Variants in SKIC3 observed in about 807,000 individuals in gnomAD.
SKIC3 encodes the protein superkiller complex protein 3.
the SKIC3 span, among the ~76,000 whole-genome samples, chr5:95,492,652 G>GAAAAAAAAAAAAAAAAAAA: frequency 6.3e-4 from 31 of 48,834 alleles, 9 homozygotes; most frequent in South Asian, 8.4e-4. Context: ...AAAAAAAAAA[G>GAAAAAAAAAAAAAAAAAAA]AAAAAAAAAA....
the SKIC3 span, among the ~76,000 whole-genome samples, chr5:95,508,981 TTTTTG>T: frequency 6.6e-6 from 1 of 152,160 alleles, no homozygotes; most frequent in Non-Finnish European, 1.5e-5. Context: ...TCTGAGAAGA[TTTTTG>T]TTTTGTTTCA....
At chr5:95,483,555 C>T in the SKIC3 span, among the ~76,000 whole-genome samples, 210 of 152,266 alleles carry the variant, frequency 1.4e-3, no homozygotes, top group African/African-American at 5.0e-3. Flanking sequence ...TATCACTCTG[C>T]TTTTCATAGA....
the SKIC3 span, chr5:95,523,788 C>T: frequency 6.2e-7 from 1 of 1,613,480 alleles, no homozygotes; most frequent in Non-Finnish European, 8.5e-7. Context: ...ATAATAATGA[C>T]CTAAATAGCA....
At chr5:95,522,053 C>T in the SKIC3 span, 1 of 1,613,314 alleles carries the variant, frequency 6.2e-7, no homozygotes, top group South Asian at 1.1e-5. Context: ...AAATAAATTA[C>T]CTTTTAAAGC....
At chr5:95,508,527 A>G in the SKIC3 span, among the ~76,000 whole-genome samples, 3 of 152,294 alleles carry the variant, frequency 2.0e-5, no homozygotes, top group East Asian at 5.8e-4. Flanking sequence ...TCCTGCCTAG[A>G]TAAACAAGTG....
At chr5:95,490,615 A>G in the SKIC3 span, among the ~76,000 whole-genome samples, 1 of 151,100 alleles carries the variant, frequency 6.6e-6, no homozygotes, top group Non-Finnish European at 1.5e-5. Context: ...CTCCTGCCTC[A>G]GCCTCCAGAG....
chr5:95,510,143 T>C, the SKIC3 span, among the ~76,000 whole-genome samples: 7 of 152,218 alleles, frequency 4.6e-5, no homozygotes, highest in African/African-American at 1.4e-4. Flanking sequence ...AGTTTGGTAC[T>C]TTCGGTGCAG....
chr5:95,468,337 G>C, the SKIC3 span, among the ~76,000 whole-genome samples: 2 of 152,080 alleles, frequency 1.3e-5, no homozygotes, highest in East Asian at 3.8e-4. Context: ...TCTACTTTGA[G>C]TGCTCTACCT....
At chr5:95,472,944 C>CT in the SKIC3 span, among the ~76,000 whole-genome samples, 16 of 152,044 alleles carry the variant, frequency 1.1e-4, no homozygotes, top group East Asian at 1.2e-3. Flanking sequence ...TGATTTCGTT[C>CT]TTTTTTTTAT....
chr5:95,513,538 A>C, the SKIC3 span: 1 of 1,602,114 alleles, frequency 6.2e-7, no homozygotes, highest in Non-Finnish European at 8.6e-7. Context: ...TTTCTCATTA[A>C]TGAATCCTCA....
the SKIC3 span, chr5:95,507,122 T>C: frequency 5.4e-5 from 52 of 962,078 alleles, no homozygotes; most frequent in East Asian, 1.2e-3. Flanking sequence ...AATTCTTTGG[T>C]GCTAGTTACA....
the SKIC3 span, chr5:95,523,960 T>C: frequency 1.0e-6 from 1 of 1,000,832 alleles, no homozygotes; most frequent in Non-Finnish European, 1.4e-6. Flanking sequence ...TACAAAAATA[T>C]GCCAAAAAAT....
At chr5:95,511,150 C>T in the SKIC3 span, among the ~76,000 whole-genome samples, 3 of 152,206 alleles carry the variant, frequency 2.0e-5, no homozygotes, top group Admixed American at 6.5e-5. Flanking sequence ...GTGGCTCACG[C>T]CTGTAATCCC....
chr5:95,484,818 T>C, the SKIC3 span: 1 of 1,614,142 alleles, frequency 6.2e-7, no homozygotes, highest in Non-Finnish European at 8.5e-7. Flanking sequence ...GGACTGGTTG[T>C]AATTTTCAAA....
At chr5:95,528,750 A>C in the SKIC3 span, 1 of 465,078 alleles carries the variant, frequency 2.2e-6, no homozygotes, top group East Asian at 4.4e-5. Context: ...CTCCACACCC[A>C]AGCCTAAACT....
the SKIC3 span, among the ~76,000 whole-genome samples, chr5:95,518,428 G>C: frequency 6.6e-6 from 1 of 151,906 alleles, no homozygotes; most frequent in African/African-American, 2.4e-5. Flanking sequence ...GTAATTTTGT[G>C]TCCTTTAACA....
At chr5:95,492,387 A>C in the SKIC3 span, among the ~76,000 whole-genome samples, 1 of 152,034 alleles carries the variant, frequency 6.6e-6, no homozygotes, top group African/African-American at 2.4e-5. Flanking sequence ...CTGTAATCCC[A>C]GCACTTTGGG....
chr5:95,488,733 T>A, the SKIC3 span, among the ~76,000 whole-genome samples: 1 of 150,108 alleles, frequency 6.7e-6, no homozygotes, highest in African/African-American at 2.5e-5. Flanking sequence ...CACACAAAAG[T>A]AAAAACTCAC....
the SKIC3 span, chr5:95,509,665 TG>T: frequency 2.5e-6 from 4 of 1,613,554 alleles, no homozygotes; most frequent in Non-Finnish European, 3.4e-6. Context: ...TTGTGAAAGC[TG>T]GGGCATAATT....
Sources: allele counts gnomAD v4.1 joint callset (sites outside exome capture counted in the v4.1 genomes callset), GRCh38; gene constraint gnomAD v4.1.1; transcripts MANE v1.5; gene names NCBI Gene and HGNC (gene_info 2026-07-23, HGNC 2026-07-21).